The following ARHGEF26 variants were observed in gnomAD, a reference collection of about 807,000 sequenced individuals.
The protein encoded by ARHGEF26 is Rho guanine nucleotide exchange factor (GEF) 26.
A neutral mutation model predicts 89.4 loss-of-function variants in ARHGEF26; 59 were observed. That is an observed-to-expected ratio of 0.66 (90% CI 0.54 to 0.82). The LOEUF (loss-of-function observed/expected upper bound fraction) is 0.82. Ranked by LOEUF, ARHGEF26 falls within the 40% of genes least tolerant of loss-of-function variation. The pLI is 0.00. For synonymous variants in ARHGEF26, 500 were observed against 428.4 expected (o/e 1.17, Z -2.06); for missense variants, 1,234 against 1,085.6 (o/e 1.14, Z -1.92).
Position 154,255,868 on chromosome 3 carries a change from G to C in ARHGEF26, c.*395G>C. 1.0e-6 allele frequency: 1 copy of C among 998,976 alleles called. No homozygotes were observed. The highest frequency in any genetic ancestry group is 1.2e-6 in the Non-Finnish European group (1 of 839,002). The allele number at this position is 998,976 out of a possible 1,614,324, so 61.9% of individuals were successfully genotyped here. On this transcript the variant is annotated 3_prime_UTR_variant, in exon 15 of 15. Transcript: ENST00000465093. ...TATACATCCTTGTATGGTTCTCCCAGTATTAGCAAGATTGTATATCTGTAA... is the reference window on the plus strand; with the variant it reads ...TATACATCCTTGTATGGTTCTCCCACTATTAGCAAGATTGTATATCTGTAA...
chr3:154,122,673 C>G lies in ARHGEF26; in HGVS notation c.681C>G (p.Leu227=). The change falls in exon 2 of 15, where the codon CTC becomes CTG. Residue 227 remains leucine (L), a synonymous_variant. Coordinates refer to ENST00000465093, the MANE Select transcript of ARHGEF26 (RefSeq NM_015595.4). ...LQRLPSQENE[L]LENPSVVLST... Reference sequence around the variant, plus strand: ...GGCTGCCCTCCCAGGAGAACGAGCTCCTCGAGAATCCTTCCGTGGTTTTGA... The same window carrying G: ...GGCTGCCCTCCCAGGAGAACGAGCTGCTCGAGAATCCTTCCGTGGTTTTGA... The G allele has an allele frequency of 1.2e-6, 2 of 1,613,894 alleles. No homozygotes were observed. Among genetic ancestry groups the G allele is most frequent in the African/African-American group, 1.3e-5 (1 of 75,068 alleles).
At chr3:154,133,453 T>G (rs1387993432) in intron 4 of ARHGEF26, among the ~76,000 whole-genome samples, 1 of 151,702 alleles carries the variant, frequency 6.6e-6, no homozygotes, top group Non-Finnish European at 1.5e-5. Context: ...ATATTAGGAC[T>G]AAAGAAATAA....
intron 6 of ARHGEF26, among the ~76,000 whole-genome samples, chr3:154,172,529 A>T (rs1712516061): frequency 6.6e-6 from 1 of 152,144 alleles, no homozygotes; most frequent in Non-Finnish European, 1.5e-5. Flanking sequence ...CCCCATCTTT[A>T]CTAAAAATAA....
intron 4 of ARHGEF26, among the ~76,000 whole-genome samples, chr3:154,148,639 C>T (rs564598471): frequency 6.6e-6 from 1 of 152,262 alleles, no homozygotes; most frequent in Admixed American, 6.5e-5. Flanking sequence ...ACCTCACCTG[C>T]AGAGATTGTG....
chr3:154,204,449 C>T (rs1259027789), intron 9 of ARHGEF26, among the ~76,000 whole-genome samples: 3 of 151,152 alleles, frequency 2.0e-5, no homozygotes, highest in Non-Finnish European at 4.4e-5. Context: ...TATCTCATGC[C>T]TCAGCCTCTC....
chr3:154,194,510 T>C, intron 8 of ARHGEF26, 134 bp from the exon 9 acceptor site: 1 of 623,220 alleles, frequency 1.6e-6, no homozygotes, highest in Non-Finnish European at 2.8e-6. Flanking sequence ...TGGGTTTTAA[T>C]ATTATCCTCA....
chr3:154,244,366 A>G (rs918299222), intron 12 of ARHGEF26, among the ~76,000 whole-genome samples: 2 of 152,322 alleles, frequency 1.3e-5, no homozygotes, highest in South Asian at 2.1e-4. Flanking sequence ...TAAAGAATGC[A>G]GAAATGCTCA....
At position 154,123,068 on chromosome 3, in the gene ARHGEF26, G is replaced by C; in HGVS notation, c.1076G>C (p.Arg359Thr). ...EDKEKFSSLG[R>T]IKKKMLKGQG... is the part of the protein sequence containing the mutation. ...AAGGAGAAGTTTTCCAGTCTGGGAA[G>C]GATAAAGGTAAAAGTGGGCAGGAGT... is the stretch of plus-strand genomic sequence containing the variant. The change falls in exon 2 of 15, where the codon AGG (arginine) becomes ACG (threonine). Residue 359 changes from arginine (R) to threonine (T), a missense_variant. Transcript: ENST00000465093. 2.5e-6 allele frequency: 4 copies of C among 1,613,808 alleles called. No homozygotes were observed. Among genetic ancestry groups the C allele is most frequent in the Non-Finnish European group, 3.4e-6 (4 of 1,179,788 alleles).
chr3:154,220,587 G>A (rs1716066023), intron 10 of ARHGEF26, among the ~76,000 whole-genome samples: 1 of 152,160 alleles, frequency 6.6e-6, no homozygotes, highest in South Asian at 2.1e-4. Context: ...TAGACTTGGG[G>A]TGCAAGAGGA....
chr3:154,186,136 GACACACACACAC>G (rs60675240), intron 6 of ARHGEF26, among the ~76,000 whole-genome samples: 10 of 147,034 alleles, frequency 6.8e-5, no homozygotes, highest in Admixed American at 5.4e-4. Flanking sequence ...CACACACTTA[GACACACACACAC>G]ACACACACAC....
At chr3:154,190,143 G>C (rs1216466757) in intron 7 of ARHGEF26, among the ~76,000 whole-genome samples, 1 of 152,102 alleles carries the variant, frequency 6.6e-6, no homozygotes, top group Non-Finnish European at 1.5e-5. Flanking sequence ...GAACTCTACA[G>C]AGCTCCTCAT....
At chr3:154,147,427 C>T (rs368002252) in intron 4 of ARHGEF26, among the ~76,000 whole-genome samples, 104 of 152,140 alleles carry the variant, frequency 6.8e-4, no homozygotes, top group African/African-American at 2.1e-3. Context: ...TAAATAAATA[C>T]GAAAAAGGAG....
Position 154,256,374 on chromosome 3 carries a change from C to T in ARHGEF26, c.*901C>T. On this transcript the variant is annotated 3_prime_UTR_variant, in exon 15 of 15. Transcript: ENST00000465093. ...AGTAGCTGGGATTGTAAGAGTATGC[C>T]ACCACGCCCAGCTACTTTTTGTATT... 1 of 759,646 alleles carries T rather than the reference C, an allele frequency of 1.3e-6. No homozygotes were observed. Among genetic ancestry groups the T allele is most frequent in the Non-Finnish European group, 1.6e-6 (1 of 625,516 alleles). The allele number at this position is 759,646 out of a possible 1,614,324, so 47.1% of individuals were successfully genotyped here. A position where few individuals can be genotyped will look rare whatever the true frequency, so the allele number is the denominator to read the frequency against.
At position 154,147,326 on chromosome 3, in the gene ARHGEF26, G is replaced by A. The variant is rs190375192; in HGVS notation, c.1270-2063G>A. Among the ~76,000 whole-genome samples the A allele has an allele frequency of 2.7e-3, 411 of 152,252 alleles. 1 individual carries two copies. The highest frequency in any genetic ancestry group is 3.9e-3 in the Non-Finnish European group (265 of 68,016). ...CTCAGGAGGCTGAGGCAGGAGAATC[G>A]CTTGAACCCAGAAGGTGGAGGCTGC... On this transcript the variant is annotated intron_variant, in intron 4 of 14. Coordinates refer to ENST00000465093, the MANE Select transcript of ARHGEF26 (RefSeq NM_015595.4).
At chr3:154,189,925 TTTCTGTATAATTTCTTTTCATTTGCTA>T (rs1245197598) in intron 7 of ARHGEF26, among the ~76,000 whole-genome samples, 1 of 152,098 alleles carries the variant, frequency 6.6e-6, no homozygotes, top group Non-Finnish European at 1.5e-5. Flanking sequence ...AAATGAATTG[TTTCTGTATAATTTCTTTTCATTTGCTA>T]TTCTGGCATT....
intron 7 of ARHGEF26, among the ~76,000 whole-genome samples, chr3:154,189,334 A>ATTTTT (rs35633646): frequency 6.2e-5 from 7 of 112,266 alleles, no homozygotes; most frequent in African/African-American, 1.0e-4. Flanking sequence ...AGTTGATGTG[A>ATTTTT]TTTTTTTTTT....
intron 11 of ARHGEF26, among the ~76,000 whole-genome samples, chr3:154,239,501 T>C (rs1717365781): frequency 1.3e-5 from 2 of 151,848 alleles, no homozygotes; most frequent in Admixed American, 6.6e-5. Context: ...GAAGTGATCA[T>C]TGTATAGAAG....
At chr3:154,199,452 A>G (rs190826889) in intron 9 of ARHGEF26, among the ~76,000 whole-genome samples, 131 of 152,084 alleles carry the variant, frequency 8.6e-4, no homozygotes, top group Non-Finnish European at 1.5e-3. Context: ...CATTTTCTTC[A>G]TTCTTTCATC....
At chr3:154,253,383 T>C (rs1441180673) in intron 13 of ARHGEF26, among the ~76,000 whole-genome samples, 200 bp downstream of exon 13, 1 of 152,270 alleles carries the variant, frequency 6.6e-6, no homozygotes, top group East Asian at 1.9e-4. Context: ...TGCATTTCTT[T>C]GTTGTGTAAA....
Sources: allele counts gnomAD v4.1 joint callset (sites outside exome capture counted in the v4.1 genomes callset), GRCh38; gene constraint gnomAD v4.1.1; transcripts MANE v1.5; gene names NCBI Gene and HGNC (gene_info 2026-07-23, HGNC 2026-07-21).